The following THRAP3 variants were observed in gnomAD, a reference collection of about 807,000 sequenced individuals.
The protein encoded by THRAP3 is thyroid hormone receptor associated protein 3.
Under a neutral mutation model 101.0 loss-of-function variants are expected in THRAP3, and 16 were observed. The ratio of observed to expected loss-of-function variants is 0.16; its 90% CI spans 0.11 to 0.24. The LOEUF is 0.24. Ranked by LOEUF, THRAP3 falls within the 10% of genes least tolerant of loss-of-function variation. The pLI is 1.00. For synonymous variants in THRAP3, 407 were observed against 422.6 expected, an observed-to-expected ratio of 0.96 and a Z score of 0.45; for missense variants, 989 against 1,202.7, an observed-to-expected ratio of 0.82 and a Z score of 2.63.
At chr1:36,250,728 A>G (rs954376388) in intron 1 of THRAP3, among the ~76,000 whole-genome samples, 39 of 151,116 alleles carry the variant, frequency 2.6e-4, no homozygotes, top group Non-Finnish European at 5.0e-4. Context: ...CCTGGCCAAC[A>G]TGGCGAAACC....
upstream of THRAP3, among the ~76,000 whole-genome samples, chr1:36,219,572 C>T (rs1243516515): frequency 6.6e-6 from 1 of 151,982 alleles, no homozygotes; most frequent in East Asian, 1.9e-4. Context: ...TTACAGTCAC[C>T]CGCCACCATG....
rs143862100 is a variant in THRAP3 at position 36,228,464 on chromosome 1, C to T, written c.-135+3959C>T. ...CTCAAACTCCTGACCTCAATTGATC[C>T]GACCGTTTTGGCCTCCCAAAGTGTC... On this transcript the variant is annotated intron_variant, in intron 1 of 11. Transcript: ENST00000354618. Among the ~76,000 whole-genome samples, 74 of 152,330 alleles carry T rather than the reference C, an allele frequency of 4.9e-4. No individual in the cohort carries two copies. The East Asian group carries it at 9.1e-3, about 19-fold the overall frequency.
rs186455326 is a variant in THRAP3 at position 36,264,726 on chromosome 1, A to G, written c.-32+5242A>G. 1.6e-4 allele frequency among the ~76,000 whole-genome samples: 24 copies of G among 152,288 alleles called. No homozygotes were observed. In the East Asian group the frequency reaches 3.5e-3, roughly 22 times the overall value. On this transcript the variant is annotated intron_variant, in intron 2 of 11. Transcript: ENST00000354618. ...TTGGTCTTAACTGTGAAATATTGGT[A>G]ACATTACCTTTATCTTTTTTTTTAA...
chr1:36,218,262 G>T, the THRAP3 span, among the ~76,000 whole-genome samples: 1 of 151,130 alleles, frequency 6.6e-6, no homozygotes, highest in Non-Finnish European at 1.5e-5. Flanking sequence ...CCAGCTACTC[G>T]GGAGGCTGAG....
At chr1:36,256,705 A>G (rs1468776321) in intron 1 of THRAP3, among the ~76,000 whole-genome samples, 2 of 152,188 alleles carry the variant, frequency 1.3e-5, no homozygotes, top group African/African-American at 2.4e-5. Context: ...GAGGAAAACC[A>G]AAGTCCTTAC....
Position 36,289,482 on chromosome 1 carries a change from A to G in THRAP3, c.1463A>G (p.Glu488Gly), listed in dbSNP as rs1356834098. 1 of 1,614,126 alleles carries G rather than the reference A, an allele frequency of 6.2e-7. No homozygotes were observed. Among genetic ancestry groups the G allele is most frequent in the Non-Finnish European group, 8.5e-7 (1 of 1,180,052 alleles). The change falls in exon 5 of 12, where the codon GAG becomes GGG. Residue 488 changes from glutamate (E) to glycine (G), a missense_variant. Transcript: ENST00000354618. ...PPGKEKQRKT[E>G]ELEEESFPER... is the part of the protein sequence containing the mutation. ...GGGAAGGAAAAGCAGAGAAAAACAG[A>G]GGAGCTGGAGGAGGAGTCTTTCCCA...
At chr1:36,223,626 C>A (rs1361956899), upstream of THRAP3, among the ~76,000 whole-genome samples, 1 of 152,166 alleles carries the variant, frequency 6.6e-6, no homozygotes, top group Non-Finnish European at 1.5e-5. Flanking sequence ...CGCAGAGATT[C>A]TCAAATTTGT....
chr1:36,242,553 C>T (rs1645174868), intron 1 of THRAP3, among the ~76,000 whole-genome samples: 1 of 151,000 alleles, frequency 6.6e-6, no homozygotes, highest in Non-Finnish European at 1.5e-5. Context: ...CATGGGTTCA[C>T]GCCATTCTCC....
intron 2 of THRAP3, among the ~76,000 whole-genome samples, chr1:36,281,295 C>T (rs553620468): frequency 3.3e-5 from 5 of 152,270 alleles, no homozygotes; most frequent in South Asian, 4.1e-4. Context: ...AAATTGCATG[C>T]GGTTTCTTCT....
At chr1:36,292,925 C>T (rs564938577) in intron 7 of THRAP3, among the ~76,000 whole-genome samples, 68 of 151,868 alleles carry the variant, frequency 4.5e-4, no homozygotes, top group Non-Finnish European at 9.1e-4. Context: ...GAAAACAGCT[C>T]TCTTGACATA....
At chr1:36,224,080 T>C (rs1437144377), upstream of THRAP3, among the ~76,000 whole-genome samples, 2 of 152,210 alleles carry the variant, frequency 1.3e-5, no homozygotes, top group Non-Finnish European at 2.9e-5. Flanking sequence ...CGGAAGCTTT[T>C]CAACAAGGCA....
At chr1:36,270,624 C>T (rs1185795510) in intron 2 of THRAP3, among the ~76,000 whole-genome samples, 1 of 135,574 alleles carries the variant, frequency 7.4e-6, no homozygotes, top group Non-Finnish European at 1.5e-5. Context: ...GTTGCCCAGG[C>T]TGGAGTGCAG....
At chr1:36,224,577 C>T (rs1055333068) in intron 1 of THRAP3, 72 bp downstream of exon 1, 1 of 152,682 alleles carries the variant, frequency 6.5e-6, no homozygotes, top group African/African-American at 2.4e-5. Flanking sequence ...TATCTTTTTT[C>T]CCCAGCTGCT....
intron 1 of THRAP3, among the ~76,000 whole-genome samples, chr1:36,232,206 C>T (rs907028714): frequency 1.2e-4 from 18 of 151,950 alleles, no homozygotes; most frequent in Non-Finnish European, 1.5e-5. Flanking sequence ...ACAGAGGAGA[C>T]CCTATCTCGA....
intron 1 of THRAP3, among the ~76,000 whole-genome samples, chr1:36,252,889 A>G (rs1469908582): frequency 6.7e-6 from 1 of 148,178 alleles, no homozygotes; most frequent in Non-Finnish European, 1.5e-5. Flanking sequence ...CCTGGGTGAC[A>G]GAGTGAGACT....
At chr1:36,234,704 A>G (rs1645065061) in intron 1 of THRAP3, among the ~76,000 whole-genome samples, 1 of 152,050 alleles carries the variant, frequency 6.6e-6, no homozygotes, top group African/African-American at 2.4e-5. Flanking sequence ...TTCCTTGGAA[A>G]TTTAGAAGGT....
chr1:36,248,174 C>G (rs2124439505), intron 1 of THRAP3, among the ~76,000 whole-genome samples: 1 of 152,188 alleles, frequency 6.6e-6, no homozygotes, highest in East Asian at 1.9e-4. Flanking sequence ...GCCACGGTGC[C>G]CAGCCTCCTT....
chr1:36,213,847 A>G, the THRAP3 span, among the ~76,000 whole-genome samples: 1 of 150,838 alleles, frequency 6.6e-6, no homozygotes, highest in East Asian at 1.9e-4. Context: ...AACTCTGTGA[A>G]AGAAAAGAAA....
intron 4 of THRAP3, chr1:36,287,502 C>T: frequency 1.0e-6 from 1 of 985,420 alleles, no homozygotes; most frequent in Non-Finnish European, 1.2e-6. Context: ...GACTACTCTG[C>T]AATGATGTTT....
Sources: allele counts gnomAD v4.1 joint callset (sites outside exome capture counted in the v4.1 genomes callset), GRCh38; gene constraint gnomAD v4.1.1; transcripts MANE v1.5; gene names NCBI Gene and HGNC (gene_info 2026-07-23, HGNC 2026-07-21).